The following ERCC6L2 variants were observed in gnomAD, a reference collection of about 807,000 sequenced individuals.
ERCC6L2 encodes DNA excision repair protein ERCC-6-like 2.
In ERCC6L2, 77 loss-of-function variants were observed where a neutral mutation model predicts 132.0. The observed-to-expected ratio is 0.58, with a 90% CI of 0.49 to 0.71. The LOEUF is 0.71. Ranked by LOEUF, ERCC6L2 falls within the 30% of genes least tolerant of loss-of-function variation. The pLI is 0.00. For missense variants in ERCC6L2, 1,542 were observed against 1,837.6 expected (o/e 0.84, Z 2.94); for synonymous variants, 583 against 632.4 (o/e 0.92, Z 1.17).
intron 9 of ERCC6L2, among the ~76,000 whole-genome samples, chr9:95,926,404 A>T (rs768484998): frequency 1.1e-4 from 17 of 152,190 alleles, no homozygotes; most frequent in Admixed American, 2.0e-4. Context: ...AAATGGATTA[A>T]AAAAGCTGTG....
Position 95,972,583 on chromosome 9 carries a change from T to C in ERCC6L2, c.2832T>C (p.Asn944=), listed in dbSNP as rs1832468039. The C allele has an allele frequency of 7.8e-7, 1 of 1,289,450 alleles. No homozygotes were observed. The allele number at this position is 1,289,450 out of a possible 1,614,324, so 79.9% of individuals were successfully genotyped here. A position where few individuals can be genotyped will look rare whatever the true frequency, so the allele number is the denominator to read the frequency against. Residue 944 remains asparagine, a synonymous_variant, in exon 16 of 19, where the codon AAT becomes AAC. Coordinates refer to ENST00000653738, the MANE Select transcript of ERCC6L2 (RefSeq NM_020207.7). ...EHTVKTRNND[N]SRNTDDKRNG... ...CTGTAAAAACAAGAAATAATGATAATAGTCGAAACACTGATGACAAAAGAA... is the reference window on the plus strand; with the variant it reads ...CTGTAAAAACAAGAAATAATGATAACAGTCGAAACACTGATGACAAAAGAA...
chr9:96,026,610 A>G (rs1834368253), intron 19 of ERCC6L2, among the ~76,000 whole-genome samples: 1 of 151,250 alleles, frequency 6.6e-6, no homozygotes, highest in Non-Finnish European at 1.5e-5. Flanking sequence ...CAAACACACT[A>G]CACACACCAC....
chr9:96,031,647 C>T (rs528095417), intron 19 of ERCC6L2, among the ~76,000 whole-genome samples: 1 of 152,262 alleles, frequency 6.6e-6, no homozygotes, highest in African/African-American at 2.4e-5. Flanking sequence ...AGCATGCCAG[C>T]GCCCTGAGGG....
At chr9:95,999,949 C>T (rs112405390) in intron 17 of ERCC6L2, among the ~76,000 whole-genome samples, 14 of 150,776 alleles carry the variant, frequency 9.3e-5, no homozygotes, top group East Asian at 7.8e-4. Context: ...AGTGCAGTGA[C>T]GTGATCTCAG....
chr9:95,889,799 G>A lies in ERCC6L2; in HGVS notation c.472-8050G>A, dbSNP rs148473581. On this transcript the variant is annotated intron_variant, in intron 2 of 18. Transcript: ENST00000653738. Reference sequence around the variant, plus strand: ...TCAGTAAATTCTAATATTAGGTGATGTATTTTTAAATAGAAAACATAACTT... The same window carrying A: ...TCAGTAAATTCTAATATTAGGTGATATATTTTTAAATAGAAAACATAACTT... Among the ~76,000 whole-genome samples the A allele has an allele frequency of 3.5e-3, 527 of 152,182 alleles. 4 individuals are homozygous for A. The highest frequency in any genetic ancestry group is 0.014 in the Middle Eastern group (4 of 294).
intron 2 of ERCC6L2, among the ~76,000 whole-genome samples, chr9:95,887,221 G>C (rs1455362594): frequency 2.6e-5 from 4 of 151,898 alleles, no homozygotes; most frequent in Admixed American, 6.6e-5. Flanking sequence ...AAGCCTGCCT[G>C]GGGGTGTCAA....
intron 18 of ERCC6L2, among the ~76,000 whole-genome samples, chr9:96,008,447 C>T (rs1306900722): frequency 4.6e-5 from 7 of 152,066 alleles, no homozygotes; most frequent in Non-Finnish European, 7.4e-5. Context: ...TATTTGTGAC[C>T]TTACAGAGAT....
At chr9:96,033,433 G>A (rs1834486174) in intron 19 of ERCC6L2, among the ~76,000 whole-genome samples, 1 of 152,140 alleles carries the variant, frequency 6.6e-6, no homozygotes, top group Non-Finnish European at 1.5e-5. Context: ...TTTCAGTGGA[G>A]ACAGGTTTTC....
chr9:95,967,389 A>C (rs1235686760), intron 14 of ERCC6L2: 2 of 152,194 alleles, frequency 1.3e-5, no homozygotes, highest in East Asian at 3.9e-4. Context: ...TGAGTCTTAG[A>C]GAACTTCAGG....
chr9:96,001,984 G>C (rs1459410628), intron 17 of ERCC6L2, among the ~76,000 whole-genome samples: 1 of 152,248 alleles, frequency 6.6e-6, no homozygotes, highest in Non-Finnish European at 1.5e-5. Context: ...CCATTGCCGG[G>C]GACCAGCAGG....
intron 19 of ERCC6L2, among the ~76,000 whole-genome samples, chr9:96,036,770 T>TTA (rs1428462335): frequency 2.9e-4 from 34 of 116,622 alleles, no homozygotes; most frequent in South Asian, 5.3e-4. Flanking sequence ...ATTATTTTTA[T>TTA]TTATTTTTTT....
chr9:95,900,367 A>G (rs1828707698), intron 3 of ERCC6L2, among the ~76,000 whole-genome samples: 1 of 151,838 alleles, frequency 6.6e-6, no homozygotes. Flanking sequence ...CAGCCTGGGC[A>G]ACAGAGAAGA....
At chr9:95,887,603 CTATAT>C (rs1176152882) in intron 2 of ERCC6L2, among the ~76,000 whole-genome samples, 1 of 152,010 alleles carries the variant, frequency 6.6e-6, no homozygotes, top group Non-Finnish European at 1.5e-5. Context: ...ATTTTTGTTT[CTATAT>C]TATTAGATAT....
intron 11 of ERCC6L2, chr9:95,929,223 T>A (rs932999782): frequency 6.1e-6 from 1 of 164,826 alleles, no homozygotes; most frequent in Non-Finnish European, 1.3e-5. Flanking sequence ...TTTCCCACTG[T>A]GTCAGGGAGC....
intron 2 of ERCC6L2, among the ~76,000 whole-genome samples, chr9:95,895,126 A>C (rs769134256): frequency 3.9e-5 from 6 of 152,070 alleles, no homozygotes; most frequent in Non-Finnish European, 5.9e-5. Context: ...TTTATTGATA[A>C]ATTTAGACTT....
At chr9:95,907,871 A>C (rs1021342219) in intron 4 of ERCC6L2, among the ~76,000 whole-genome samples, 20 of 151,428 alleles carry the variant, frequency 1.3e-4, no homozygotes, top group African/African-American at 4.1e-4. Context: ...ACACCCACAC[A>C]CCCACTGTAG....
intron 19 of ERCC6L2, among the ~76,000 whole-genome samples, chr9:96,034,012 G>T (rs1465542674): frequency 6.6e-6 from 1 of 152,220 alleles, no homozygotes; most frequent in Admixed American, 6.5e-5. Context: ...CCGGGTGGCT[G>T]CCAGCTCTGA....
chr9:95,952,303 A>G (rs1831374400), intron 12 of ERCC6L2, among the ~76,000 whole-genome samples: 1 of 152,118 alleles, frequency 6.6e-6, no homozygotes, highest in South Asian at 2.1e-4. Context: ...TCTACAAGAA[A>G]GAAAACTACA....
chr9:95,879,534 T>A (rs1016187329), intron 1 of ERCC6L2, among the ~76,000 whole-genome samples: 25 of 152,216 alleles, frequency 1.6e-4, no homozygotes, highest in African/African-American at 5.5e-4. Flanking sequence ...GACCTATATG[T>A]TGTTCTACTT....
Sources: allele counts gnomAD v4.1 joint callset (sites outside exome capture counted in the v4.1 genomes callset), GRCh38; gene constraint gnomAD v4.1.1; transcripts MANE v1.5; gene names NCBI Gene and HGNC (gene_info 2026-07-23, HGNC 2026-07-21).